STAU2: variants seen among roughly 807,000 people sequenced by gnomAD.
The protein encoded by STAU2 is staufen double-stranded RNA binding protein 2.
A neutral mutation model predicts 65.9 loss-of-function variants in STAU2; 20 were observed. The ratio of observed to expected loss-of-function variants is 0.30; its 90% confidence interval spans 0.21 to 0.44. The LOEUF (loss-of-function observed/expected upper bound fraction) is 0.44, where lower values mean the gene tolerates loss of function less well. Ranked by LOEUF, STAU2 falls within the 20% of genes least tolerant of loss-of-function variation. The pLI is 1.00. For missense variants in STAU2, 558 were observed against 683.9 expected (o/e 0.82, Z 2.05); for synonymous variants, 232 against 233.9 (o/e 0.99, Z 0.07).
chr8:73,438,923 C>T (rs187646324), intron 13 of STAU2: 22 of 456,306 alleles, frequency 4.8e-5, no homozygotes, highest in Admixed American at 3.8e-4. Flanking sequence ...TCTTCCTTCC[C>T]GCTGTTAGGA....
At chr8:73,645,676 T>A (rs1002017010) in intron 6 of STAU2, among the ~76,000 whole-genome samples, 3 of 152,190 alleles carry the variant, frequency 2.0e-5, no homozygotes, top group African/African-American at 7.2e-5. Context: ...AGAAGAGTTT[T>A]AATTGGCTTA....
At chr8:73,628,883 C>T (rs965082206) in intron 6 of STAU2, among the ~76,000 whole-genome samples, 3 of 152,206 alleles carry the variant, frequency 2.0e-5, no homozygotes, top group African/African-American at 7.2e-5. Flanking sequence ...CCAGCCCAGG[C>T]ATCTACTCCA....
chr8:73,478,438 T>C (rs1357773826), intron 13 of STAU2, among the ~76,000 whole-genome samples: 3 of 151,966 alleles, frequency 2.0e-5, no homozygotes, highest in Admixed American at 6.6e-5. Context: ...GTTGGACAAG[T>C]CTGATCTAGC....
chr8:73,618,050 C>T (rs1352292822), intron 6 of STAU2, among the ~76,000 whole-genome samples: 1 of 151,962 alleles, frequency 6.6e-6, no homozygotes, highest in Non-Finnish European at 1.5e-5. Flanking sequence ...GAAGAGATAA[C>T]AGAGAATGTA....
chr8:73,613,526 C>G (rs11778500), intron 9 of STAU2, among the ~76,000 whole-genome samples: 30 of 152,122 alleles, frequency 2.0e-4, no homozygotes, highest in African/African-American at 6.7e-4. Flanking sequence ...ACATAAATAC[C>G]TAAGGTATTA....
intron 13 of STAU2, among the ~76,000 whole-genome samples, chr8:73,502,765 T>C (rs962547344): frequency 1.3e-5 from 2 of 152,042 alleles, no homozygotes; most frequent in African/African-American, 4.8e-5. Flanking sequence ...GTTGTTGTTG[T>C]TTACATTACA....
chr8:73,501,500 T>C (rs180788888), intron 13 of STAU2, among the ~76,000 whole-genome samples: 5 of 152,072 alleles, frequency 3.3e-5, no homozygotes, highest in Admixed American at 6.6e-5. Flanking sequence ...TATGAAAGTA[T>C]ACTAGTACAT....
intron 13 of STAU2, among the ~76,000 whole-genome samples, chr8:73,466,805 C>G (rs1819679928): frequency 6.6e-6 from 1 of 152,206 alleles, no homozygotes; most frequent in Non-Finnish European, 1.5e-5. Flanking sequence ...CATTATTGAG[C>G]ACCTCTCTGG....
chr8:73,654,579 G>T (rs1471273520), intron 6 of STAU2, among the ~76,000 whole-genome samples: 1 of 123,816 alleles, frequency 8.1e-6, no homozygotes, highest in African/African-American at 3.1e-5. Context: ...GGTCATGGCT[G>T]CACTGAGCCG....
intron 13 of STAU2, among the ~76,000 whole-genome samples, chr8:73,528,126 G>A (rs1585937904): frequency 2.0e-5 from 3 of 152,222 alleles, no homozygotes; most frequent in South Asian, 2.1e-4. Flanking sequence ...AAGCATAAGC[G>A]TAAGTCAAAG....
chr8:73,517,002 T>A (rs948561084), intron 13 of STAU2, among the ~76,000 whole-genome samples: 4 of 152,116 alleles, frequency 2.6e-5, no homozygotes, highest in African/African-American at 9.7e-5. Flanking sequence ...TTAGAATATT[T>A]CCCCAGTGAT....
At chr8:73,633,374 T>C (rs1392825531) in intron 6 of STAU2, among the ~76,000 whole-genome samples, 1 of 152,110 alleles carries the variant, frequency 6.6e-6, no homozygotes, top group Non-Finnish European at 1.5e-5. Context: ...TCCTCTCAAC[T>C]TAAAAGTGAA....
rs139363022 is a variant in STAU2, at chr8:73,558,357, G to T, written c.1223-6038C>A. ...ATTTTAAAGGTCTAAAGTTGCCAGG[G>T]ACTGTGATATCTTAACACCAGGCTA... On this transcript the variant is annotated intron_variant, in intron 12 of 14. Transcript: ENST00000524300. Among the ~76,000 whole-genome samples, 383 of 152,272 alleles carry T rather than the reference G, an allele frequency of 2.5e-3. 2 individuals carry two copies. The highest frequency in any genetic ancestry group is 0.01 in the Middle Eastern group (3 of 294).
At chr8:73,646,355 A>C (rs147575141) in intron 6 of STAU2, among the ~76,000 whole-genome samples, 47 of 152,352 alleles carry the variant, frequency 3.1e-4, no homozygotes, top group African/African-American at 1.1e-3. Flanking sequence ...TTCAGTAATA[A>C]CACTGTGAGG....
At position 73,716,091 on chromosome 8, in the gene STAU2, C is replaced by CT. The variant is rs376161218; in HGVS notation, c.-17-6930dup. Among the ~76,000 whole-genome samples the CT allele has an allele frequency of 7.7e-3, 959 of 125,276 alleles. 11 individuals carry two copies. Among genetic ancestry groups the CT allele is most frequent in the African/African-American group, 0.019 (659 of 34,028 alleles). 82.2% of individuals were successfully genotyped at this position (125,276 alleles called of 152,430 possible). A position where few individuals can be genotyped will look rare whatever the true frequency, so the allele number is the denominator to read the frequency against. On this transcript the variant is annotated intron_variant, in intron 3 of 14. Coordinates refer to ENST00000524300, the MANE Select transcript of STAU2 (RefSeq NM_001164380.2). ...CACCATGCCCAGCTAATTTTTTTTT[C>CT]TTTTTTTTTTTTTTGAGACAAGAGT...
At chr8:73,686,552 A>G (rs1166302329) in intron 5 of STAU2, among the ~76,000 whole-genome samples, 1 of 151,742 alleles carries the variant, frequency 6.6e-6, no homozygotes, top group Non-Finnish European at 1.5e-5. Context: ...CCCCCTCAAA[A>G]AAAAAAAAAA....
At chr8:73,644,294 T>C (rs990868317) in intron 6 of STAU2, among the ~76,000 whole-genome samples, 5 of 151,836 alleles carry the variant, frequency 3.3e-5, no homozygotes, top group African/African-American at 1.2e-4. Flanking sequence ...ACTAAATACA[T>C]AGATCAGAAT....
chr8:73,492,592 A>T (rs1821203803), intron 13 of STAU2, among the ~76,000 whole-genome samples: 1 of 151,890 alleles, frequency 6.6e-6, no homozygotes, highest in African/African-American at 2.4e-5. Flanking sequence ...ACCTCTTAGG[A>T]CCCAATTCCT....
At chr8:73,515,173 C>A (rs976111986) in intron 13 of STAU2, among the ~76,000 whole-genome samples, 1 of 152,164 alleles carries the variant, frequency 6.6e-6, no homozygotes, top group Non-Finnish European at 1.5e-5. Flanking sequence ...AAAACAGAGT[C>A]CTGAAAACTG....
Sources: allele counts gnomAD v4.1 joint callset (sites outside exome capture counted in the v4.1 genomes callset), GRCh38; gene constraint gnomAD v4.1.1; transcripts MANE v1.5; gene names NCBI Gene and HGNC (gene_info 2026-07-23, HGNC 2026-07-21).